SFSWAP: variants seen among roughly 807,000 people sequenced by gnomAD.
SFSWAP encodes splicing factor, suppressor of white-apricot homolog.
SFSWAP carries 17 observed loss-of-function variants against 100.7 expected under a neutral mutation model. The observed-to-expected ratio is 0.17, with a 90% CI of 0.12 to 0.25. SFSWAP has a LOEUF of 0.25. SFSWAP is among the 10% of genes least tolerant of loss of function. SFSWAP has a pLI of 1.00. For missense variants in SFSWAP, 1,005 were observed against 1,262.6 expected (o/e 0.80, Z 3.09); for synonymous variants, 504 against 510.1 (o/e 0.99, Z 0.16).
intron 7 of SFSWAP, among the ~76,000 whole-genome samples, chr12:131,745,268 G>A (rs980525140): frequency 1.3e-5 from 2 of 152,142 alleles, no homozygotes; most frequent in African/African-American, 4.8e-5. Context: ...ATGTTATAGA[G>A]AGCTAGTAGA....
chr12:131,740,323 A>G (rs1257804870), intron 7 of SFSWAP, among the ~76,000 whole-genome samples: 1 of 152,054 alleles, frequency 6.6e-6, no homozygotes, highest in East Asian at 1.9e-4. Context: ...AGTGGAATTG[A>G]ACGTTGCTGT....
At chr12:131,783,179 T>TAAA (rs555914355) in intron 14 of SFSWAP, among the ~76,000 whole-genome samples, 10 of 124,622 alleles carry the variant, frequency 8.0e-5, no homozygotes, top group South Asian at 2.7e-4. Context: ...AGACTCCGTC[T>TAAA]AAAAAAAAAA....
At chr12:131,751,856 A>G (rs1333494425) in intron 7 of SFSWAP, among the ~76,000 whole-genome samples, 1 of 152,224 alleles carries the variant, frequency 6.6e-6, no homozygotes, top group African/African-American at 2.4e-5. Flanking sequence ...TTTCTCAGAA[A>G]TGTTGCTCAG....
chr12:131,755,915 A>G (rs1474059086), intron 10 of SFSWAP, among the ~76,000 whole-genome samples: 1 of 152,224 alleles, frequency 6.6e-6, no homozygotes, highest in South Asian at 2.1e-4. Context: ...CTGTGCCTGC[A>G]CGCCCTTCCC....
At chr12:131,762,419 T>A (rs903875033) in intron 11 of SFSWAP, among the ~76,000 whole-genome samples, 3 of 152,094 alleles carry the variant, frequency 2.0e-5, no homozygotes, top group Non-Finnish European at 2.9e-5. Context: ...TCAAAAAAAA[T>A]AAAATAAAAT....
chr12:131,749,857 G>A (rs1881459085), intron 7 of SFSWAP, among the ~76,000 whole-genome samples: 1 of 152,232 alleles, frequency 6.6e-6, no homozygotes, highest in Non-Finnish European at 1.5e-5. Context: ...AGTTGCCATA[G>A]GGCGTTGTTT....
rs1223059378 is a variant in SFSWAP at position 131,778,544 on chromosome 12, T to G, written c.2408+214T>G. On this transcript the variant is annotated intron_variant, in intron 14 of 17. Coordinates refer to ENST00000261674, the MANE Select transcript of SFSWAP (RefSeq NM_004592.4). The surrounding 1 kb of genome is among the most constrained non-coding windows in gnomAD (Gnocchi z 4.2). ...TAACTTTTTCTTTTTTGAGACAGAG[T>G]TTTGTTCTTGTTGCCCAGGCTAGAG... 6.6e-6 allele frequency among the ~76,000 whole-genome samples: 1 copy of G among 151,972 alleles called. No homozygotes were observed. The highest frequency in any genetic ancestry group is 2.4e-5 in the African/African-American group (1 of 41,392).
At position 131,714,965 on chromosome 12, in the gene SFSWAP, G is replaced by A; in HGVS notation, c.520+12G>A. Reference sequence around the variant, plus strand: ...TTCCAAACAGAGAGGTGAGTGGGGAGCTGCCTGGACTGCTGGTGTAGGGCT... The same window carrying A: ...TTCCAAACAGAGAGGTGAGTGGGGAACTGCCTGGACTGCTGGTGTAGGGCT... On this transcript the variant is annotated intron_variant, in intron 3 of 17. Coordinates refer to ENST00000261674, the MANE Select transcript of SFSWAP (RefSeq NM_004592.4). This position sits in a 1 kb window ranked among gnomAD's most constrained non-coding sequence, Gnocchi z 6.0. 6.2e-7 allele frequency: 1 copy of A among 1,613,624 alleles called. No homozygotes were observed. The highest frequency in any genetic ancestry group is 8.5e-7 in the Non-Finnish European group (1 of 1,179,956).
At chr12:131,796,036 G>GA (rs1885645025) in intron 15 of SFSWAP, 1 of 11,354 alleles carries the variant, frequency 8.8e-5, no homozygotes, top group Non-Finnish European at 2.2e-4. Flanking sequence ...GGGGAGGGGA[G>GA]GGGAGCGGAG....
At chr12:131,772,208 T>G (rs538709054) in intron 13 of SFSWAP, among the ~76,000 whole-genome samples, 1 of 152,328 alleles carries the variant, frequency 6.6e-6, no homozygotes, top group South Asian at 2.1e-4. Flanking sequence ...ATACATCTTT[T>G]CCCCAGTGAC....
chr12:131,765,986 G>T, intron 12 of SFSWAP, 132 bp from the exon 13 acceptor site: 2 of 824,820 alleles, frequency 2.4e-6, no homozygotes, highest in South Asian at 2.0e-5. Flanking sequence ...AATTTGATTT[G>T]TCCAATGTAT....
At chr12:131,768,160 C>A (rs552425132) in intron 13 of SFSWAP, among the ~76,000 whole-genome samples, 1 of 152,344 alleles carries the variant, frequency 6.6e-6, no homozygotes, top group East Asian at 1.9e-4. Context: ...CATGAAGGGC[C>A]TTCTCCTGGG....
chr12:131,719,011 C>T (rs553958309), intron 3 of SFSWAP, among the ~76,000 whole-genome samples: 175 of 152,136 alleles, frequency 1.2e-3, no homozygotes, highest in Non-Finnish European at 2.0e-3. Flanking sequence ...TGCGTAGGTC[C>T]GCTTGTATGA....
intron 13 of SFSWAP, among the ~76,000 whole-genome samples, chr12:131,775,953 T>A (rs1323874086): frequency 2.7e-5 from 4 of 147,222 alleles, no homozygotes; most frequent in African/African-American, 1.0e-4. Flanking sequence ...AAAAAAAAAA[T>A]TAGCTGAGCA....
intron 14 of SFSWAP, among the ~76,000 whole-genome samples, chr12:131,782,957 G>A (rs1386693461): frequency 6.6e-6 from 1 of 152,144 alleles, no homozygotes; most frequent in Non-Finnish European, 1.5e-5. Context: ...GATGCAGGTG[G>A]ATCACCTGAG....
In SFSWAP at chr12:131,730,096, G is replaced by A. The variant is rs990303132; in HGVS notation, c.1081+1668G>A. On this transcript the variant is annotated intron_variant, in intron 7 of 17. Coordinates refer to ENST00000261674, the MANE Select transcript of SFSWAP (RefSeq NM_004592.4). The surrounding 1 kb of genome is among the most constrained non-coding windows in gnomAD (Gnocchi z 4.0). ...GCTACAGAGGTGCGTGTTCAATAGT[G>A]TAGGCAGCCAGCTGTCTGAGGTGCT... Among the ~76,000 whole-genome samples the A allele has an allele frequency of 3.3e-5, 5 of 152,204 alleles. No individual in the cohort carries two copies. The highest frequency in any genetic ancestry group is 7.3e-5 in the Non-Finnish European group (5 of 68,038).
Position 131,725,348 on chromosome 12 carries a change from C to T in SFSWAP, c.607-57C>T, listed in dbSNP as rs187707785. ...TCATTTCTATGTTTTAATGAAATCA[C>T]GTGGCCGGTGGACAAGAGGACAAAT... On this transcript the variant is annotated intron_variant, in intron 4 of 17. Transcript: ENST00000261674. This position sits in a 1 kb window ranked among gnomAD's most constrained non-coding sequence, Gnocchi z 4.3. 1.2e-4 allele frequency: 167 copies of T among 1,371,286 alleles called. No homozygotes were observed. The East Asian group carries it at 2.6e-3, about 21-fold the overall frequency. The allele number at this position is 1,371,286 out of a possible 1,614,324, so 84.9% of individuals were successfully genotyped here.
intron 11 of SFSWAP, among the ~76,000 whole-genome samples, chr12:131,759,641 T>TAA (rs548736561): frequency 2.0e-5 from 3 of 147,954 alleles, no homozygotes; most frequent in African/African-American, 2.5e-5. Context: ...CTACTAAAAA[T>TAA]AAAAAAAAAA....
intron 13 of SFSWAP, among the ~76,000 whole-genome samples, chr12:131,768,165 C>T (rs1883276457): frequency 6.6e-6 from 1 of 152,246 alleles, no homozygotes; most frequent in South Asian, 2.1e-4. Context: ...AGGGCCTTCT[C>T]CTGGGAAACA....
Sources: gnomAD v4.1 joint callset for allele counts (sites outside exome capture counted in the v4.1 genomes callset) on GRCh38, gnomAD v4.1.1 for gene constraint, Gnocchi (gnomAD v3.1) non-coding constraint, MANE v1.5 for transcripts, NCBI Gene and HGNC (gene_info 2026-07-23, HGNC 2026-07-21) for gene names.